Variants in CAMK2D observed in about 807,000 individuals in gnomAD.
The protein encoded by CAMK2D is calcium/calmodulin dependent protein kinase II delta, also known as calcium/calmodulin-dependent protein kinase type II subunit delta.
A neutral mutation model predicts 84.0 loss-of-function variants in CAMK2D; 37 were observed. That is an observed-to-expected ratio of 0.44 (90% CI 0.34 to 0.58). The LOEUF (loss-of-function observed/expected upper bound fraction) is 0.58, where lower values mean the gene tolerates loss of function less well. CAMK2D is among the 20% of genes least tolerant of loss of function. The probability of loss-of-function intolerance (pLI) is 0.02; values close to 1 mark genes in which losing one functional copy is unlikely to be tolerated. For missense variants in CAMK2D, 448 were observed against 652.5 expected (o/e 0.69, Z 3.41); for synonymous variants, 202 against 212.5 (o/e 0.95, Z 0.43).
chr4:113,548,378 A>G (rs1406522731), intron 5 of CAMK2D, among the ~76,000 whole-genome samples: 1 of 152,190 alleles, frequency 6.6e-6, no homozygotes, highest in Non-Finnish European at 1.5e-5. Flanking sequence ...GGGCAATTCA[A>G]GAAAGCCTGC....
At chr4:113,687,428 A>C (rs1593035197) in intron 2 of CAMK2D, among the ~76,000 whole-genome samples, 1 of 152,320 alleles carries the variant, frequency 6.6e-6, no homozygotes, top group East Asian at 1.9e-4. Context: ...AATCAAATCC[A>C]ATTCAGATGG....
intron 6 of CAMK2D, 120 bp downstream of exon 6, chr4:113,547,524 C>A: frequency 2.0e-6 from 1 of 504,704 alleles, no homozygotes; most frequent in South Asian, 3.2e-5. Context: ...TCCTGAGTAA[C>A]GTGCTGGAAT....
chr4:113,457,313 C>G, intron 19 of CAMK2D, 22 bp downstream of exon 19: 1 of 1,612,750 alleles, frequency 6.2e-7, no homozygotes, highest in Non-Finnish European at 8.5e-7. Flanking sequence ...AACAAAGAAG[C>G]TGACAGCCTG....
At chr4:113,499,797 A>C (rs971992984) in intron 16 of CAMK2D, among the ~76,000 whole-genome samples, 1 of 152,212 alleles carries the variant, frequency 6.6e-6, no homozygotes, top group African/African-American at 2.4e-5. Context: ...ATTGATACAA[A>C]AGTAATACTT....
chr4:113,579,984 T>G (rs566978932), intron 4 of CAMK2D, among the ~76,000 whole-genome samples: 1 of 152,360 alleles, frequency 6.6e-6, no homozygotes, highest in South Asian at 2.1e-4. Context: ...CCTACCCACA[T>G]GTAAGGCCAA....
chr4:113,627,796 GACCTTAGCTGGGTACAC>G (rs2099074022), intron 3 of CAMK2D, among the ~76,000 whole-genome samples: 1 of 152,142 alleles, frequency 6.6e-6, no homozygotes, highest in Admixed American at 6.6e-5. Flanking sequence ...GGCCTTATTA[GACCTTAGCTGGGTACAC>G]ACATGCACAC....
In CAMK2D at chr4:113,531,376, A is replaced by T. The variant is rs111782692; in HGVS notation, c.518-77T>A. On this transcript the variant is annotated intron_variant, in intron 7 of 20. Transcript: ENST00000511664. ...AAATGGGAAACTAAGAAAGAAAAAT[A>T]TCGGGGGCTTCTTTATCTGATTATA... is the stretch of plus-strand genomic sequence containing the variant. 7.2e-3 allele frequency: 5,615 copies of T among 775,672 alleles called. 196 individuals carry two copies. The African/African-American group carries it at 0.084, about 12-fold the overall frequency. 48.0% of individuals were successfully genotyped at this position (775,672 alleles called of 1,614,324 possible). A position where few individuals can be genotyped will look rare whatever the true frequency, so the allele number is the denominator to read the frequency against.
chr4:113,712,438 T>C (rs541282890), intron 2 of CAMK2D, among the ~76,000 whole-genome samples: 28 of 152,260 alleles, frequency 1.8e-4, no homozygotes, highest in African/African-American at 6.7e-4. Context: ...ATTGTACAAA[T>C]ATACTTCTAT....
chr4:113,645,984 C>T (rs146694132), intron 3 of CAMK2D, among the ~76,000 whole-genome samples: 2 of 152,304 alleles, frequency 1.3e-5, no homozygotes, highest in East Asian at 3.9e-4. Flanking sequence ...TAAGGAAGGT[C>T]AGGCAGTAAA....
At chr4:113,494,754 C>T (rs193108886) in intron 16 of CAMK2D, among the ~76,000 whole-genome samples, 8,785 of 152,240 alleles carry the variant, frequency 0.058, 346 homozygotes, top group Non-Finnish European at 0.089. Context: ...TGCCGCCTTG[C>T]AGTTTGATCT....
In CAMK2D at chr4:113,466,284, A is replaced by T. The variant is rs1963301; in HGVS notation, c.1136-680T>A. Reference sequence around the variant, plus strand: ...AAAATAAATAAATAAATAAATAAATAAATATAAAATAAAATAAAATAAAAT... The same window carrying T: ...AAAATAAATAAATAAATAAATAAATTAATATAAAATAAAATAAAATAAAAT... On this transcript the variant is annotated intron_variant, in intron 16 of 20. Coordinates refer to ENST00000511664, the MANE Select transcript of CAMK2D (RefSeq NM_001321571.2). Among the ~76,000 whole-genome samples the T allele has an allele frequency of 6.9e-3, 1,049 of 151,076 alleles. 20 individuals are homozygous for T. Among genetic ancestry groups the T allele is most frequent in the African/African-American group, 0.024 (1,006 of 41,220 alleles).
At chr4:113,513,451 A>C (rs2098245211) in intron 11 of CAMK2D, 81 bp from the exon 12 acceptor site, 13 of 900,738 alleles carry the variant, frequency 1.4e-5, no homozygotes. Flanking sequence ...TTTGATAACA[A>C]ATCTTTTCCT....
At chr4:113,659,165 T>A (rs755649121) in intron 3 of CAMK2D, among the ~76,000 whole-genome samples, 18 of 152,336 alleles carry the variant, frequency 1.2e-4, no homozygotes, top group Middle Eastern at 3.4e-3. Context: ...GAAACTAGTT[T>A]CATTATCCAC....
intron 3 of CAMK2D, among the ~76,000 whole-genome samples, chr4:113,616,570 G>A (rs1410656202): frequency 6.6e-6 from 1 of 152,110 alleles, no homozygotes; most frequent in Non-Finnish European, 1.5e-5. Context: ...TTTCAACCTG[G>A]GAAGAAATTA....
At chr4:113,709,757 A>ATATATATATATATGTATGTG (rs2099484710) in intron 2 of CAMK2D, among the ~76,000 whole-genome samples, 2 of 103,724 alleles carry the variant, frequency 1.9e-5, no homozygotes, top group African/African-American at 9.0e-5. Flanking sequence ...ATATATATAT[A>ATATATATATATATGTATGTG]TATATATATA....
intron 2 of CAMK2D, among the ~76,000 whole-genome samples, chr4:113,671,032 G>A (rs1243147949): frequency 6.6e-6 from 1 of 152,084 alleles, no homozygotes; most frequent in Non-Finnish European, 1.5e-5. Flanking sequence ...ACTTACTTCA[G>A]GGATTTTGTT....
At chr4:113,489,303 C>T (rs1205132072) in intron 16 of CAMK2D, among the ~76,000 whole-genome samples, 2 of 127,274 alleles carry the variant, frequency 1.6e-5, no homozygotes, top group Non-Finnish European at 3.2e-5. Flanking sequence ...CCCCACCCCA[C>T]AACAGTCCCC....
intron 2 of CAMK2D, among the ~76,000 whole-genome samples, chr4:113,683,149 C>T (rs1430539774): frequency 6.6e-6 from 1 of 152,050 alleles, no homozygotes; most frequent in Non-Finnish European, 1.5e-5. Flanking sequence ...GTTATCTTAC[C>T]CTATTCATGA....
At chr4:113,735,890 T>C (rs2099580136) in intron 2 of CAMK2D, among the ~76,000 whole-genome samples, 1 of 152,122 alleles carries the variant, frequency 6.6e-6, no homozygotes, top group African/African-American at 2.4e-5. Flanking sequence ...CATAACTTTC[T>C]ACAAAAGAAA....
Sources: gnomAD v4.1 joint callset for allele counts (sites outside exome capture counted in the v4.1 genomes callset) on GRCh38, gnomAD v4.1.1 for gene constraint, MANE v1.5 for transcripts, NCBI Gene and HGNC (gene_info 2026-07-23, HGNC 2026-07-21) for gene names.